The following ITFG1 variants were observed in gnomAD, a reference collection of about 807,000 sequenced individuals.
The protein encoded by ITFG1 is integrin alpha FG-GAP repeat containing 1, also known as T-cell immunomodulatory protein.
In ITFG1, 34 loss-of-function variants were observed where a neutral mutation model predicts 81.8. That is an observed-to-expected ratio of 0.42 (90% confidence interval 0.32 to 0.55). ITFG1 has a LOEUF of 0.55. Among genes scored for constraint, ITFG1 ranks in the 20% least tolerant of loss-of-function variants. The pLI, the probability that ITFG1 is intolerant of heterozygous loss-of-function variation, is 0.17. For missense variants in ITFG1, 672 were observed against 755.4 expected, an observed-to-expected ratio of 0.89 and a Z score of 1.29; for synonymous variants, 285 against 270.6, an observed-to-expected ratio of 1.05 and a Z score of -0.52.
intron 10 of ITFG1, among the ~76,000 whole-genome samples, chr16:47,303,724 G>C (rs1430243529): frequency 6.6e-6 from 1 of 152,164 alleles, no homozygotes; most frequent in Non-Finnish European, 1.5e-5. Context: ...CCTAGGCTCA[G>C]GTGATCCTCC....
intron 8 of ITFG1, among the ~76,000 whole-genome samples, chr16:47,353,838 A>C (rs567125799): frequency 6.6e-6 from 1 of 152,264 alleles, no homozygotes; most frequent in African/African-American, 2.4e-5. Context: ...TAAGGAGATG[A>C]AAGATCTTTA....
At chr16:47,390,572 C>A (rs1173483079) in intron 6 of ITFG1, among the ~76,000 whole-genome samples, 2 of 152,124 alleles carry the variant, frequency 1.3e-5, no homozygotes, top group African/African-American at 4.8e-5. Flanking sequence ...GATTCTCTTG[C>A]CTCAGCCTCC....
At chr16:47,372,030 C>T (rs1968261901) in intron 7 of ITFG1, among the ~76,000 whole-genome samples, 2 of 151,912 alleles carry the variant, frequency 1.3e-5, no homozygotes, top group African/African-American at 4.8e-5. Flanking sequence ...TCTCCTACCT[C>T]AGCCCCCCAG....
chr16:47,215,344 A>G (rs895913878), intron 14 of ITFG1, among the ~76,000 whole-genome samples: 4 of 152,214 alleles, frequency 2.6e-5, no homozygotes, highest in African/African-American at 9.6e-5. Context: ...GCACTCCCTC[A>G]GTCAATTAAA....
chr16:47,238,564 G>C (rs1316473605), intron 12 of ITFG1, among the ~76,000 whole-genome samples: 2 of 152,000 alleles, frequency 1.3e-5, no homozygotes, highest in Non-Finnish European at 2.9e-5. Context: ...GCAAAAAGAG[G>C]TTAAAATATC....
intron 2 of ITFG1, among the ~76,000 whole-genome samples, chr16:47,457,292 C>G (rs528513545): frequency 2.4e-4 from 34 of 144,158 alleles, no homozygotes; most frequent in Admixed American, 2.1e-3. Context: ...GCCTGGGCAA[C>G]AGAGTGAGAC....
At chr16:47,451,113 C>A (rs886137646) in intron 5 of ITFG1, among the ~76,000 whole-genome samples, 2 of 152,144 alleles carry the variant, frequency 1.3e-5, no homozygotes, top group African/African-American at 2.4e-5. Context: ...TCCCTATTTA[C>A]GTGAAATCTA....
chr16:47,163,501 A>G (rs1964840916), intron 14 of ITFG1, among the ~76,000 whole-genome samples: 1 of 152,088 alleles, frequency 6.6e-6, no homozygotes, highest in Admixed American at 6.5e-5. Flanking sequence ...ATAATACTCC[A>G]CTTTGTTATA....
chr16:47,246,391 G>T (rs772079191), intron 12 of ITFG1, among the ~76,000 whole-genome samples: 12 of 151,966 alleles, frequency 7.9e-5, no homozygotes, highest in Non-Finnish European at 1.8e-4. Flanking sequence ...TATAAAAAGG[G>T]GTGTCTACAT....
chr16:47,229,426 G>C (rs191049426), intron 13 of ITFG1, among the ~76,000 whole-genome samples: 1 of 152,070 alleles, frequency 6.6e-6, no homozygotes, highest in Admixed American at 6.6e-5. Context: ...AGTTGTGGGA[G>C]GGCCTGAGGA....
At chr16:47,175,757 C>A (rs1402975063) in intron 14 of ITFG1, among the ~76,000 whole-genome samples, 2 of 152,146 alleles carry the variant, frequency 1.3e-5, no homozygotes, top group Non-Finnish European at 2.9e-5. Flanking sequence ...ACTTTTGTGG[C>A]AATTTTTTGT....
chr16:47,442,661 C>T (rs537534830), intron 5 of ITFG1, among the ~76,000 whole-genome samples: 3 of 152,158 alleles, frequency 2.0e-5, no homozygotes, highest in East Asian at 3.9e-4. Context: ...AAGGATTCCC[C>T]ATTTAATAAA....
At chr16:47,268,925 A>G (rs992491454) in intron 10 of ITFG1, among the ~76,000 whole-genome samples, 2 of 152,268 alleles carry the variant, frequency 1.3e-5, no homozygotes, top group African/African-American at 4.8e-5. Flanking sequence ...ATCATCTAAT[A>G]AAAGGCAGAA....
intron 8 of ITFG1, among the ~76,000 whole-genome samples, chr16:47,343,501 T>A (rs191653298): frequency 1.7e-4 from 26 of 152,070 alleles, no homozygotes; most frequent in Non-Finnish European, 3.5e-4. Context: ...CTTGAAAAAT[T>A]CAATAATAAA....
chr16:47,207,143 C>T (rs1423090839), intron 14 of ITFG1, among the ~76,000 whole-genome samples: 9 of 152,092 alleles, frequency 5.9e-5, no homozygotes, highest in African/African-American at 1.7e-4. Flanking sequence ...AGTGCAGTGG[C>T]GCCATCTCGG....
At chr16:47,192,857 T>C (rs1450724492) in intron 14 of ITFG1, among the ~76,000 whole-genome samples, 1 of 152,204 alleles carries the variant, frequency 6.6e-6, no homozygotes, top group African/African-American at 2.4e-5. Context: ...ACTTGATAGG[T>C]ACTCTAAGGC....
At chr16:47,292,613 A>G (rs1966922263) in intron 10 of ITFG1, among the ~76,000 whole-genome samples, 1 of 152,164 alleles carries the variant, frequency 6.6e-6, no homozygotes, top group Non-Finnish European at 1.5e-5. Flanking sequence ...TCACTTGAAT[A>G]GTGTACATTG....
intron 5 of ITFG1, among the ~76,000 whole-genome samples, chr16:47,443,537 GCACATATA>G (rs1428621062): frequency 6.6e-6 from 1 of 152,298 alleles, no homozygotes; most frequent in East Asian, 1.9e-4. Context: ...AGAAAATGTG[GCACATATA>G]CACCATGGAA....
At chr16:47,289,822 T>C (rs1431308571) in intron 10 of ITFG1, among the ~76,000 whole-genome samples, 1 of 152,308 alleles carries the variant, frequency 6.6e-6, no homozygotes, top group South Asian at 2.1e-4. Context: ...TCCTGTTGTT[T>C]TGTAGTCTCA....
Sources: allele counts gnomAD v4.1 joint callset (sites outside exome capture counted in the v4.1 genomes callset), GRCh38; gene constraint gnomAD v4.1.1; transcripts MANE v1.5; gene names NCBI Gene and HGNC (gene_info 2026-07-23, HGNC 2026-07-21).